The following SLC14A2 variants were observed in gnomAD, a reference collection of about 807,000 sequenced individuals.
The protein encoded by SLC14A2 is urea transporter 2.
SLC14A2 carries 91 observed loss-of-function variants against 104.6 expected under a neutral mutation model. The ratio of observed to expected loss-of-function variants is 0.87; its 90% confidence interval spans 0.73 to 1.04. The LOEUF (loss-of-function observed/expected upper bound fraction) is 1.04, where lower values mean the gene tolerates loss of function less well. Ranked by LOEUF, SLC14A2 falls within the 50% of genes least tolerant of loss-of-function variation. The probability of loss-of-function intolerance (pLI) is 0.00; values close to 1 mark genes in which losing one functional copy is unlikely to be tolerated. For missense variants in SLC14A2, 1,189 were observed against 1,156.0 expected (o/e 1.03, Z -0.41); for synonymous variants, 476 against 466.4 (o/e 1.02, Z -0.27).
intron 2 of SLC14A2, among the ~76,000 whole-genome samples, chr18:45,571,532 C>T (rs1325961131): frequency 2.0e-5 from 3 of 152,212 alleles, no homozygotes; most frequent in Admixed American, 1.3e-4. Context: ...TAAAAATAAA[C>T]GTGATCATTA....
At chr18:45,419,019 T>C (rs2086309228) in intron 1 of SLC14A2, among the ~76,000 whole-genome samples, 1 of 152,212 alleles carries the variant, frequency 6.6e-6, no homozygotes, top group Non-Finnish European at 1.5e-5. Flanking sequence ...CCAAAGATAC[T>C]GCTAGAGTCT....
At chr18:45,345,844 A>G (rs977550445) in intron 1 of SLC14A2, among the ~76,000 whole-genome samples, 2 of 152,232 alleles carry the variant, frequency 1.3e-5, no homozygotes, top group African/African-American at 2.4e-5. Context: ...GAAGAATTGC[A>G]TGAATATAGA....
chr18:45,531,450 G>T (rs1441234077), intron 2 of SLC14A2, among the ~76,000 whole-genome samples: 1 of 152,226 alleles, frequency 6.6e-6, no homozygotes, highest in African/African-American at 2.4e-5. Context: ...CTGATGGCCA[G>T]TGATGATGAA....
intron 1 of SLC14A2, among the ~76,000 whole-genome samples, chr18:45,413,643 A>G (rs2086238310): frequency 1.3e-5 from 2 of 152,212 alleles, no homozygotes; most frequent in Non-Finnish European, 2.9e-5. Flanking sequence ...CTTACGAAAC[A>G]TGGCTTCTTG....
At chr18:45,490,430 A>C (rs1289870059) in intron 2 of SLC14A2, among the ~76,000 whole-genome samples, 1 of 152,248 alleles carries the variant, frequency 6.6e-6, no homozygotes, top group Non-Finnish European at 1.5e-5. Context: ...GCTCAATTTC[A>C]TATGCAAAAT....
intron 1 of SLC14A2, among the ~76,000 whole-genome samples, chr18:45,275,818 A>G: frequency 6.6e-6 from 1 of 152,248 alleles, no homozygotes; most frequent in South Asian, 2.1e-4. Context: ...GTCTTCACTG[A>G]GCTTACATTT....
At chr18:45,362,548 A>G (rs1028736695) in intron 1 of SLC14A2, among the ~76,000 whole-genome samples, 8 of 152,224 alleles carry the variant, frequency 5.3e-5, no homozygotes, top group Admixed American at 2.0e-4. Flanking sequence ...TGACATGCCC[A>G]GAGTCACACA....
At chr18:45,414,757 A>T (rs6507616) in intron 1 of SLC14A2, among the ~76,000 whole-genome samples, 1,049 of 74,360 alleles carry the variant, frequency 0.014, 13 homozygotes, top group African/African-American at 0.018. Flanking sequence ...AAAAAAAAAA[A>T]ATATATATAT....
At position 45,295,194 on chromosome 18, in the gene SLC14A2, T is replaced by G. The variant is rs564870034; in HGVS notation, c.-125+82003T>G. On this transcript the variant is annotated intron_variant, in intron 1 of 20. Coordinates refer to the SLC14A2 transcript ENST00000586448. Reference sequence around the variant, plus strand: ...CCTTTCCCATTCTGTTTTGGACAACTGGGAGACTGTGATATAGACCAATGA... The same window carrying G: ...CCTTTCCCATTCTGTTTTGGACAACGGGGAGACTGTGATATAGACCAATGA... 2.6e-5 allele frequency among the ~76,000 whole-genome samples: 4 copies of G among 152,328 alleles called. No individual in the cohort carries two copies. In the South Asian group the frequency reaches 8.3e-4, roughly 32 times the overall value.
At chr18:45,552,242 G>T (rs2044065752) in intron 2 of SLC14A2, among the ~76,000 whole-genome samples, 1 of 152,170 alleles carries the variant, frequency 6.6e-6, no homozygotes, top group Non-Finnish European at 1.5e-5. Flanking sequence ...GACAACAAGG[G>T]ACATGCTCCA....
chr18:45,612,576 C>G (rs2044990297), upstream of SLC14A2, among the ~76,000 whole-genome samples: 1 of 152,218 alleles, frequency 6.6e-6, no homozygotes, highest in African/African-American at 2.4e-5. Context: ...TCTTCTGAAA[C>G]AATCTTATGA....
At chr18:45,495,345 G>A (rs1167885425) in intron 2 of SLC14A2, among the ~76,000 whole-genome samples, 17 of 152,170 alleles carry the variant, frequency 1.1e-4, no homozygotes, top group African/African-American at 4.1e-4. Context: ...AAAATACAAT[G>A]GCCGGGGCCT....
At chr18:45,584,830 T>C (rs888757793) in intron 2 of SLC14A2, among the ~76,000 whole-genome samples, 1 of 152,220 alleles carries the variant, frequency 6.6e-6, no homozygotes, top group African/African-American at 2.4e-5. Flanking sequence ...AACGAAGTGA[T>C]GTTTATGAAA....
intron 1 of SLC14A2, among the ~76,000 whole-genome samples, chr18:45,251,275 A>G (rs1364270172): frequency 1.3e-5 from 2 of 152,148 alleles, no homozygotes; most frequent in Admixed American, 6.5e-5. Flanking sequence ...AGAACATACT[A>G]TGTTTGCTTT....
intron 1 of SLC14A2, among the ~76,000 whole-genome samples, chr18:45,259,008 C>T (rs2084508188): frequency 6.6e-6 from 1 of 152,336 alleles, no homozygotes; most frequent in East Asian, 1.9e-4. Context: ...CCTTCATATG[C>T]TGACACTGGC....
In SLC14A2 at chr18:45,331,856, A is replaced by G. The variant is rs545385395; in HGVS notation, c.-125+118665A>G. Among the ~76,000 whole-genome samples, 16 of 152,350 alleles carry G rather than the reference A, an allele frequency of 1.1e-4. 1 individual carries two copies. The South Asian group carries it at 3.3e-3, about 32-fold the overall frequency. ...AAAACACTCAGACCTGCTTTGAAAT[A>G]TTCCAGGAAAACAAATATATTTTAC... On this transcript the variant is annotated intron_variant, in intron 1 of 20. Coordinates refer to the SLC14A2 transcript ENST00000586448.
chr18:45,388,236 G>C (rs2085922524), intron 1 of SLC14A2, among the ~76,000 whole-genome samples: 1 of 151,832 alleles, frequency 6.6e-6, no homozygotes, highest in African/African-American at 2.4e-5. Context: ...CTAATTTTTT[G>C]TATTTTTAGT....
At chr18:45,317,083 G>A (rs1251826457) in intron 1 of SLC14A2, among the ~76,000 whole-genome samples, 9 of 152,202 alleles carry the variant, frequency 5.9e-5, no homozygotes, top group Non-Finnish European at 1.5e-5. Context: ...GTGTACCACA[G>A]CTTTCTAATA....
chr18:45,538,344 C>A (rs936985522), intron 2 of SLC14A2, among the ~76,000 whole-genome samples: 1 of 152,230 alleles, frequency 6.6e-6, no homozygotes, highest in Non-Finnish European at 1.5e-5. Flanking sequence ...GCTTTGGGAT[C>A]TTTTAATTAC....
Sources: gnomAD v4.1 joint callset for allele counts (sites outside exome capture counted in the v4.1 genomes callset) on GRCh38, gnomAD v4.1.1 for gene constraint, MANE v1.5 for transcripts, NCBI Gene and HGNC (gene_info 2026-07-23, HGNC 2026-07-21) for gene names.